The following MAD1L1 variants were observed in gnomAD, a reference collection of about 807,000 sequenced individuals.
MAD1L1 encodes mitotic spindle assembly checkpoint protein MAD1.
In MAD1L1, 95 loss-of-function variants were observed where a neutral mutation model predicts 96.9. That is an observed-to-expected ratio of 0.98 (90% confidence interval 0.83 to 1.16). MAD1L1 has a LOEUF of 1.16. Among genes scored for constraint, MAD1L1 ranks in the 50% most tolerant of loss-of-function variants. The pLI is 0.00. For missense variants in MAD1L1, 1,007 were observed against 954.4 expected (o/e 1.06, Z -0.73); for synonymous variants, 473 against 396.6 (o/e 1.19, Z -2.29).
intron 18 of MAD1L1, chr7:1,845,837 G>A (rs929323932): frequency 6.6e-6 from 1 of 152,618 alleles, no homozygotes; most frequent in African/African-American, 2.4e-5. Context: ...TGGGCATTCA[G>A]AGCCAGGAGC....
intron 14 of MAD1L1, among the ~76,000 whole-genome samples, chr7:2,001,406 T>C (rs776305616): frequency 6.6e-6 from 1 of 152,268 alleles, no homozygotes; most frequent in East Asian, 1.9e-4. Flanking sequence ...AGCCCATTTG[T>C]TCCCTAAAAC....
intron 18 of MAD1L1, among the ~76,000 whole-genome samples, chr7:1,863,071 G>A (rs1050075843): frequency 2.6e-5 from 4 of 152,216 alleles, no homozygotes; most frequent in South Asian, 2.1e-4. Context: ...GGGAGGGGAC[G>A]CTGCACTCCG....
At chr7:1,902,883 G>C (rs1289701680) in intron 17 of MAD1L1, among the ~76,000 whole-genome samples, 6 of 151,028 alleles carry the variant, frequency 4.0e-5, no homozygotes, top group Non-Finnish European at 8.8e-5. Context: ...ATGAAGCACT[G>C]TTCCAGGCAG....
At position 2,106,168 on chromosome 7, in the gene MAD1L1, T is replaced by G. The variant is rs1218961636; in HGVS notation, c.1074-36830A>C. On this transcript the variant is annotated intron_variant, in intron 11 of 18. Transcript: ENST00000265854. ...CCCCCAGCACAGGGCCCTTGCCCCATTACGCCTAGGCTAGGAATTGGGCCC... is the reference window on the plus strand; with the variant it reads ...CCCCCAGCACAGGGCCCTTGCCCCAGTACGCCTAGGCTAGGAATTGGGCCC... 2.7e-5 allele frequency among the ~76,000 whole-genome samples: 4 copies of G among 147,020 alleles called. No individual in the cohort carries two copies. In the South Asian group the frequency reaches 6.9e-4, roughly 25 times the overall value.
rs902451143 is a variant in MAD1L1 at position 1,941,356 on chromosome 7, T to G, written c.1597-4459A>C. 1.2e-3 allele frequency among the ~76,000 whole-genome samples: 176 copies of G among 152,222 alleles called. 1 individual carries two copies. The highest frequency in any genetic ancestry group is 3.7e-3 in the African/African-American group (153 of 41,508). ...TCCTGGGATGAGGTTTCCCCCCTGA[T>G]GGGGGGCTTGAGGTCCAGGAAACAA... is the stretch of plus-strand genomic sequence containing the variant. On this transcript the variant is annotated intron_variant, in intron 16 of 18. Transcript: ENST00000265854.
chr7:2,067,071 G>A (rs1784908157), intron 12 of MAD1L1, among the ~76,000 whole-genome samples: 1 of 152,186 alleles, frequency 6.6e-6, no homozygotes, highest in Admixed American at 6.6e-5. Context: ...GGCCGGTGTG[G>A]GCCGATGTCA....
At chr7:1,835,835 AG>A (rs1310402678) in intron 18 of MAD1L1, among the ~76,000 whole-genome samples, 1 of 152,182 alleles carries the variant, frequency 6.6e-6, no homozygotes. Flanking sequence ...ATTATTCATG[AG>A]TTTTCCGGGA....
intron 18 of MAD1L1, among the ~76,000 whole-genome samples, chr7:1,836,366 G>C (rs564104811): frequency 6.6e-6 from 1 of 152,142 alleles, no homozygotes; most frequent in Non-Finnish European, 1.5e-5. Flanking sequence ...TGGGTTTGGG[G>C]TCAGCTTCTT....
intron 11 of MAD1L1, among the ~76,000 whole-genome samples, chr7:2,124,043 AGACGGG>A (rs1788110774): frequency 6.6e-6 from 1 of 152,192 alleles, no homozygotes; most frequent in Non-Finnish European, 1.5e-5. Context: ...CTCCTCCTCT[AGACGGG>A]GAAGCCGGGC....
intron 14 of MAD1L1, among the ~76,000 whole-genome samples, chr7:1,996,561 G>T (rs895059586): frequency 2.0e-5 from 3 of 152,184 alleles, no homozygotes; most frequent in Non-Finnish European, 4.4e-5. Flanking sequence ...AGCACCTGCC[G>T]CTAGGCCCGA....
intron 18 of MAD1L1, among the ~76,000 whole-genome samples, chr7:1,851,226 A>G (rs1346561654): frequency 6.6e-6 from 1 of 152,060 alleles, no homozygotes; most frequent in Non-Finnish European, 1.5e-5. Flanking sequence ...CGGCCGGCAC[A>G]GGGTGGAAGG....
At chr7:2,106,495 G>C (rs1432288090) in intron 11 of MAD1L1, among the ~76,000 whole-genome samples, 1 of 152,042 alleles carries the variant, frequency 6.6e-6, no homozygotes, top group Non-Finnish European at 1.5e-5. Flanking sequence ...GCTCTCCGAG[G>C]CTCCCTCTCC....
chr7:1,886,018 ACCGCCCCACCT>A (rs1446244543), intron 18 of MAD1L1, among the ~76,000 whole-genome samples: 1 of 151,954 alleles, frequency 6.6e-6, no homozygotes, highest in East Asian at 1.9e-4. Context: ...CCACCCCACG[ACCGCCCCACCT>A]GGGCCCTCAC....
chr7:1,960,269 A>G (rs1583921320), intron 15 of MAD1L1, among the ~76,000 whole-genome samples: 1 of 151,938 alleles, frequency 6.6e-6, no homozygotes, highest in Non-Finnish European at 1.5e-5. Flanking sequence ...AAAAGGAAAC[A>G]GAAATGAAGA....
intron 10 of MAD1L1, among the ~76,000 whole-genome samples, chr7:2,173,154 A>G (rs1000489362): frequency 1.3e-5 from 2 of 152,124 alleles, no homozygotes; most frequent in African/African-American, 4.8e-5. Context: ...CAAACACTCT[A>G]AGTTATTTGA....
intron 17 of MAD1L1, among the ~76,000 whole-genome samples, chr7:1,918,252 G>T (rs983595933): frequency 1.3e-5 from 2 of 152,172 alleles, no homozygotes; most frequent in Non-Finnish European, 2.9e-5. Context: ...CTCTGGCCCT[G>T]CTGCAGTGAG....
chr7:1,957,304 T>C (rs1179819224), intron 16 of MAD1L1, among the ~76,000 whole-genome samples: 1 of 151,938 alleles, frequency 6.6e-6, no homozygotes, highest in Admixed American at 6.5e-5. Flanking sequence ...AAAGAGAAAG[T>C]ACAATTAAAA....
intron 3 of MAD1L1, among the ~76,000 whole-genome samples, chr7:2,225,900 A>G (rs1793869368): frequency 1.3e-5 from 2 of 152,226 alleles, no homozygotes; most frequent in African/African-American, 4.8e-5. Context: ...CAGACTAAAA[A>G]TCAATGCAGT....
chr7:2,120,998 C>T (rs1275359349), intron 11 of MAD1L1, among the ~76,000 whole-genome samples: 1 of 152,198 alleles, frequency 6.6e-6, no homozygotes, highest in Admixed American at 6.5e-5. Flanking sequence ...CATCACAGCA[C>T]AGGTGGACTC....
Sources: gnomAD v4.1 joint callset for allele counts (sites outside exome capture counted in the v4.1 genomes callset) on GRCh38, gnomAD v4.1.1 for gene constraint, MANE v1.5 for transcripts, NCBI Gene and HGNC (gene_info 2026-07-23, HGNC 2026-07-21) for gene names.